The following SPATA2L variants were observed in gnomAD, a reference collection of about 807,000 sequenced individuals.
SPATA2L encodes spermatogenesis associated 2 like, also known as spermatogenesis-associated protein 2-like protein.
Under a neutral mutation model 8.7 loss-of-function variants are expected in SPATA2L, and 5 were observed. That is an observed-to-expected ratio of 0.57 (90% CI 0.30 to 1.21). The LOEUF (loss-of-function observed/expected upper bound fraction) is 1.21, where lower values mean the gene tolerates loss of function less well. Ranked by LOEUF, SPATA2L falls within the 50% of genes most tolerant of loss-of-function variation. The pLI, the probability that SPATA2L is intolerant of heterozygous loss-of-function variation, is 0.07. For synonymous variants in SPATA2L, 358 were observed against 275.8 expected (o/e 1.30, Z -2.95); for missense variants, 671 against 591.0 (o/e 1.14, Z -1.40).
intron 2 of SPATA2L, 119 bp from the exon 3 acceptor site, chr16:89,698,424 C>T: frequency 9.0e-7 from 1 of 1,105,792 alleles, no homozygotes; most frequent in East Asian, 2.7e-5. Flanking sequence ...CAGACCCAAC[C>T]CCAGAGACTA....
intron 2 of SPATA2L, among the ~76,000 whole-genome samples, chr16:89,699,496 C>T (rs551863363): frequency 1.3e-5 from 2 of 152,280 alleles, no homozygotes; most frequent in South Asian, 2.1e-4. Flanking sequence ...TCAGCGCTCT[C>T]CAGAGGCTGT....
intron 2 of SPATA2L, 119 bp downstream of exon 2, chr16:89,700,811 A>C: frequency 1.7e-6 from 2 of 1,147,772 alleles, no homozygotes; most frequent in Non-Finnish European, 2.3e-6. Flanking sequence ...TGAGGAGCCC[A>C]CCAGGCACTG....
chr16:89,697,815 T>A lies in SPATA2L; in HGVS notation c.794A>T (p.Glu265Val). The A allele has an allele frequency of 6.2e-7, 1 of 1,603,776 alleles. No individual in the cohort carries two copies. Among genetic ancestry groups the A allele is most frequent in the Non-Finnish European group, 8.5e-7 (1 of 1,176,468 alleles). Residue 265 changes from glutamate to valine, a missense_variant, in exon 3 of 3, where the codon GAG (glutamate) becomes GTG (valine). Transcript: ENST00000289805. ...AELAYRPPLW[E>V]QSAKLWGTGG... ...AGTGCCCCACAGTTTGGCACTCTGC[T>A]CCCAGAGTGGTGGCCTGTAGGCCAG... is the stretch of plus-strand genomic sequence containing the variant.
chr16:89,697,588 C>T lies in SPATA2L; in HGVS notation c.1021G>A (p.Val341Ile). ...ASPRRIRAEG[V>I]PASAYRSVSE... ...ACAGACCTATAGGCTGAGGCTGGTA[C>T]CCCCTCTGCCCGAATACGCCTCGGG... Residue 341 changes from valine to isoleucine, a missense_variant, in exon 3 of 3, where the codon GTA (valine) becomes ATA (isoleucine). Val to Ile is a conservative substitution (Grantham distance 29). Coordinates refer to ENST00000289805, the MANE Select transcript of SPATA2L (RefSeq NM_152339.4). 6 of 1,599,648 alleles carry T rather than the reference C, an allele frequency of 3.8e-6. No individual in the cohort carries two copies. Among genetic ancestry groups the T allele is most frequent in the African/African-American group, 1.3e-5 (1 of 74,930 alleles).
chr16:89,700,753 A>T (rs2060770482), intron 2 of SPATA2L, among the ~76,000 whole-genome samples, 177 bp downstream of exon 2: 1 of 152,140 alleles, frequency 6.6e-6, no homozygotes, highest in Non-Finnish European at 1.5e-5. Context: ...TCTCAGCCCT[A>T]GGAGTGGGTG....
At chr16:89,700,726 C>G (rs918654054) in intron 2 of SPATA2L, among the ~76,000 whole-genome samples, 2 of 152,198 alleles carry the variant, frequency 1.3e-5, no homozygotes, top group Admixed American at 6.5e-5. Flanking sequence ...CCAAGCCTGC[C>G]CTCGCCCACC....
At position 89,696,627 on chromosome 16, in the gene SPATA2L, G is replaced by A. The variant is rs956159990; in HGVS notation, c.*707C>T. ...TTACCACTGGACCCACCAAGACCCC[G>A]CCGCCTGGGCGGGCTGTCCACAGGC... On this transcript the variant is annotated 3_prime_UTR_variant, in exon 3 of 3. Transcript: ENST00000289805. 2.5e-5 allele frequency: 17 copies of A among 687,912 alleles called. No homozygotes were observed. The highest frequency in any genetic ancestry group is 1.7e-4 in the South Asian group (8 of 47,368). The allele number at this position is 687,912 out of a possible 1,614,324, so 42.6% of individuals were successfully genotyped here. A position where few individuals can be genotyped will look rare whatever the true frequency, so the allele number is the denominator to read the frequency against.
Position 89,697,119 on chromosome 16 carries a change from AGGCTCC to A in SPATA2L, c.*209_*214del, listed in dbSNP as rs2060735449. The A allele has an allele frequency of 7.3e-7, 1 of 1,376,592 alleles. No individual in the cohort carries two copies. Among genetic ancestry groups the A allele is most frequent in the African/African-American group, 1.5e-5 (1 of 68,554 alleles). 85.3% of individuals were successfully genotyped at this position (1,376,592 alleles called of 1,614,324 possible). ...GTTCCGAGGGTGGGGAAATGTGGAA[AGGCTCC>A]TGCTGGCCGGCTTAGGCCTGCTGCC... On this transcript the variant is annotated 3_prime_UTR_variant, in exon 3 of 3. Coordinates refer to ENST00000289805, the MANE Select transcript of SPATA2L (RefSeq NM_152339.4).
At chr16:89,700,286 GGA>G (rs1167096560) in intron 2 of SPATA2L, among the ~76,000 whole-genome samples, 3 of 152,236 alleles carry the variant, frequency 2.0e-5, no homozygotes, top group African/African-American at 7.2e-5. Context: ...GGGGAGCCGC[GGA>G]GAGACTGCCG....
rs771688020 is a variant in SPATA2L at position 89,697,516 on chromosome 16, C to T, written c.1093G>A (p.Ala365Thr). The T allele has an allele frequency of 1.8e-5, 29 of 1,596,786 alleles. No individual in the cohort carries two copies. The highest frequency in any genetic ancestry group is 6.7e-5 in the East Asian group (3 of 44,614). ...GTGTCGCAGCAGAGGGTGGGCAGGG[C>T]GCCAGGGGACAGGCAGCTGTGTGCC... ...YQAHSCLSPG[A>T]LPTLCCDTCR... The change falls in exon 3 of 3, where the codon GCC (alanine) becomes ACC (threonine). Residue 365 changes from alanine to threonine, a missense_variant. Coordinates refer to ENST00000289805, the MANE Select transcript of SPATA2L (RefSeq NM_152339.4).
chr16:89,696,930 G>T lies in SPATA2L; in HGVS notation c.*404C>A. 4 of 1,517,448 alleles carry T rather than the reference G, an allele frequency of 2.6e-6. No individual in the cohort carries two copies. Among genetic ancestry groups the T allele is most frequent in the Non-Finnish European group, 3.5e-6 (4 of 1,133,770 alleles). The allele number at this position is 1,517,448 out of a possible 1,614,324, so 94.0% of individuals were successfully genotyped here. A position where few individuals can be genotyped will look rare whatever the true frequency, so the allele number is the denominator to read the frequency against. On this transcript the variant is annotated 3_prime_UTR_variant, in exon 3 of 3. Coordinates refer to ENST00000289805, the MANE Select transcript of SPATA2L (RefSeq NM_152339.4). ...AGGACACTCGTGTGGAGAATCCCTG[G>T]GACACGTGGAGGACCCCCAAGTCCT...
In SPATA2L at chr16:89,697,692, G is replaced by A. The variant is rs143316871; in HGVS notation, c.917C>T (p.Ala306Val). Residue 306 changes from alanine (A) to valine (V), a missense_variant, in exon 3 of 3, where the codon GCC becomes GTC. By Grantham distance (64) the Ala-to-Val change is moderately conservative (BLOSUM62 0). Transcript: ENST00000289805. Reference protein sequence around the residue: ...LEEGLEPEPSAFSFLSLRREL... With the variant: ...LEEGLEPEPSVFSFLSLRREL... The stretch of plus-strand genomic sequence containing the variant: ...ACGGCGCAGAGAGAGGAAGGAGAAG[G>A]CGGAAGGTTCAGGTTCCAGCCCCTC... The A allele has an allele frequency of 2.3e-4, 363 of 1,612,236 alleles. No individual in the cohort carries two copies. Among genetic ancestry groups the A allele is most frequent in the Non-Finnish European group, 2.9e-4 (339 of 1,179,720 alleles).
chr16:89,700,599 G>A (rs979229100), intron 2 of SPATA2L, among the ~76,000 whole-genome samples: 1 of 152,200 alleles, frequency 6.6e-6, no homozygotes, highest in African/African-American at 2.4e-5. Flanking sequence ...GGATGACCAT[G>A]GGAACTCAAG....
At chr16:89,698,383 G>A (rs1021224749) in intron 2 of SPATA2L, 78 bp from the exon 3 acceptor site, 9 of 1,456,910 alleles carry the variant, frequency 6.2e-6, no homozygotes. Flanking sequence ...TCCGGGATCT[G>A]TTGGCTCAGG....
Position 89,696,663 on chromosome 16 carries a change from A to G in SPATA2L, c.*671T>C. On this transcript the variant is annotated 3_prime_UTR_variant, in exon 3 of 3. Coordinates refer to ENST00000289805, the MANE Select transcript of SPATA2L (RefSeq NM_152339.4). The stretch of plus-strand genomic sequence containing the variant: ...GGGCTGTCCACAGGCCCTTCCGCCC[A>G]GCAGCAGTGACGCTCAGGGCCTTCC... 9.8e-7 allele frequency: 1 copy of G among 1,020,408 alleles called. No individual in the cohort carries two copies. Among genetic ancestry groups the G allele is most frequent in the Non-Finnish European group, 1.4e-6 (1 of 713,580 alleles). The allele number at this position is 1,020,408 out of a possible 1,614,324, so 63.2% of individuals were successfully genotyped here.
rs1254837773 is a variant in SPATA2L, at chr16:89,697,624, C to T, written c.985G>A (p.Ala329Thr). The T allele has an allele frequency of 6.2e-7, 1 of 1,606,278 alleles. No homozygotes were observed. The highest frequency in any genetic ancestry group is 1.7e-5 in the Admixed American group (1 of 59,968). ...PGDLATPESS[A>T]AASPRRIRAE... is the part of the protein sequence containing the mutation. ...CGAATACGCCTCGGGCTGGCCGCTG[C>T]AGAGCTTTCAGGGGTGGCCAGGTCC... is the stretch of plus-strand genomic sequence containing the variant. The change falls in exon 3 of 3, where the codon GCA (alanine) becomes ACA (threonine). Residue 329 changes from alanine to threonine, a missense_variant. By Grantham distance (58) the Ala-to-Thr change is moderately conservative. Transcript: ENST00000289805.
intron 1 of SPATA2L, 128 bp from the exon 2 acceptor site, chr16:89,701,361 G>A (rs1254519832): frequency 1.0e-6 from 1 of 987,546 alleles, no homozygotes; most frequent in Non-Finnish European, 1.4e-6. Flanking sequence ...CAGCGGCTGG[G>A]CGCCCCCGGT....
Position 89,697,423 on chromosome 16 carries a change from C to G in SPATA2L, c.1186G>C (p.Val396Leu), listed in dbSNP as rs570991061. Residue 396 changes from valine to leucine, a missense_variant, in exon 3 of 3, where the codon GTG (valine) becomes CTG (leucine). Val to Leu is a conservative substitution (Grantham distance 32). Coordinates refer to ENST00000289805, the MANE Select transcript of SPATA2L (RefSeq NM_152339.4). ...PACRPGHSLRVLLGDAQRRLW... is the reference protein window; with the variant it reads ...PACRPGHSLRLLLGDAQRRLW... ...CGCCGCTGGGCGTCGCCAAGCAGCA[C>G]ACGCAGCGAGTGGCCTGGACGGCAG... 16 of 1,605,414 alleles carry G rather than the reference C, an allele frequency of 1.0e-5. No individual in the cohort carries two copies. In the South Asian group the frequency reaches 1.8e-4, roughly 18 times the overall value.
Position 89,698,105 on chromosome 16 carries a change from C to T in SPATA2L, c.504G>A (p.Val168=), listed in dbSNP as rs1339658921. The part of the protein sequence containing the change: ...LRLECEILGE[V]LAQLGTSVLP... ...GCACACTGGTGCCCAGCTGGGCCAG[C>T]ACCTCACCCAGGATCTCACACTCCA... Residue 168 remains valine, a synonymous_variant, in exon 3 of 3, where the codon GTG becomes GTA. Coordinates refer to ENST00000289805, the MANE Select transcript of SPATA2L (RefSeq NM_152339.4). 3 of 1,603,922 alleles carry T rather than the reference C, an allele frequency of 1.9e-6. No homozygotes were observed. The highest frequency in any genetic ancestry group is 1.7e-6 in the Non-Finnish European group (2 of 1,176,664).
Sources: allele counts gnomAD v4.1 joint callset (sites outside exome capture counted in the v4.1 genomes callset), GRCh38; gene constraint gnomAD v4.1.1; transcripts MANE v1.5; gene names NCBI Gene and HGNC (gene_info 2026-07-23, HGNC 2026-07-21).